The following SPIRE2 variants were observed in gnomAD, a reference collection of about 807,000 sequenced individuals.
SPIRE2 encodes the protein protein spire homolog 2.
SPIRE2 carries 76 observed loss-of-function variants against 80.7 expected under a neutral mutation model. That is an observed-to-expected ratio of 0.94 (90% CI 0.78 to 1.14). SPIRE2 has a LOEUF of 1.14. Among genes scored for constraint, SPIRE2 ranks in the 50% most tolerant of loss-of-function variants. SPIRE2 has a pLI of 0.00. For missense variants in SPIRE2, 1,196 were observed against 1,015.3 expected, an observed-to-expected ratio of 1.18 and a Z score of -2.42; for synonymous variants, 535 against 432.6, an observed-to-expected ratio of 1.24 and a Z score of -2.94.
intron 12 of SPIRE2, 96 bp from the exon 13 acceptor site, chr16:89,868,093 T>G: frequency 7.3e-7 from 1 of 1,369,346 alleles, no homozygotes; most frequent in Non-Finnish European, 1.0e-6. Flanking sequence ...CAAGGATGGT[T>G]TGACCTCGGA....
chr16:89,844,492 G>A (rs1339867818), intron 1 of SPIRE2, among the ~76,000 whole-genome samples: 2 of 150,966 alleles, frequency 1.3e-5, no homozygotes, highest in South Asian at 2.1e-4. Context: ...AGGCTGGAGT[G>A]CAGTGGTGCA....
At chr16:89,854,182 C>T (rs937852566) in intron 3 of SPIRE2, 104 bp from the exon 4 acceptor site, 60 of 1,059,330 alleles carry the variant, frequency 5.7e-5, no homozygotes, top group Admixed American at 8.5e-5. Flanking sequence ...TCCGGCTGGT[C>T]GAGTGGAGCC....
Position 89,864,332 on chromosome 16 carries a change from C to T in SPIRE2, c.1778+471C>T, listed in dbSNP as rs371556172. Among the ~76,000 whole-genome samples the T allele has an allele frequency of 1.4e-4, 21 of 151,948 alleles. 1 individual carries two copies. The highest frequency in any genetic ancestry group is 1.3e-3 in the Admixed American group (20 of 15,242). On this transcript the variant is annotated intron_variant, in intron 12 of 14. Transcript: ENST00000378247. The stretch of plus-strand genomic sequence containing the variant: ...AGAACTCCAGAGGAGAGGGCTGCGC[C>T]GAGAAAGCCTCAGAGAAGGTCCCCC...
In SPIRE2 at chr16:89,854,274, G is replaced by A. The variant is rs761140077; in HGVS notation, c.646-12G>A. On this transcript the variant is annotated splice_polypyrimidine_tract_variant and intron_variant, in intron 3 of 14. Coordinates refer to ENST00000378247, the MANE Select transcript of SPIRE2 (RefSeq NM_032451.2). ...GTACCTCCCCTGGACTGACGAGCAC[G>A]TGTGGTCACAGATGCTGCAGAAGCT... is the stretch of plus-strand genomic sequence containing the variant. 71 of 1,610,894 alleles carry A rather than the reference G, an allele frequency of 4.4e-5. No homozygotes were observed. Among genetic ancestry groups the A allele is most frequent in the South Asian group, 1.9e-4 (17 of 90,774 alleles).
rs1419242997 is a variant in SPIRE2 at position 89,852,915 on chromosome 16, G to A, written c.646-1371G>A. ...CCCCGGATCCCATGGCCCGTCTTCC[G>A]TCCTCCCTCTCACCCCCCGCATCCC... On this transcript the variant is annotated intron_variant, in intron 3 of 14. Coordinates refer to ENST00000378247, the MANE Select transcript of SPIRE2 (RefSeq NM_032451.2). Among the ~76,000 whole-genome samples, 18 of 18,452 alleles carry A rather than the reference G, an allele frequency of 9.8e-4. No homozygotes were observed. In the East Asian group the frequency reaches 0.024, roughly 25 times the overall value. The allele number at this position is 18,452 out of a possible 152,430, so 12.1% of individuals were successfully genotyped here. A position where few individuals can be genotyped will look rare whatever the true frequency, so the allele number is the denominator to read the frequency against.
intron 2 of SPIRE2, among the ~76,000 whole-genome samples, chr16:89,848,947 C>G (rs573113963): frequency 7.4e-4 from 105 of 141,414 alleles, no homozygotes; most frequent in African/African-American, 2.3e-3. Flanking sequence ...ACAGACGAGG[C>G]AGGTTCCAGG....
intron 2 of SPIRE2, 62 bp from the exon 3 acceptor site, chr16:89,850,242 C>T: frequency 6.9e-7 from 1 of 1,452,260 alleles, no homozygotes; most frequent in South Asian, 1.2e-5. Context: ...CACCCACCAG[C>T]CGCGTTCTCC....
At position 89,863,571 on chromosome 16, in the gene SPIRE2, G is replaced by A. The variant is rs1261915686; in HGVS notation, c.1671G>A (p.Leu557=). ...TGAAGGCCGAGATGGAAAAGTTTTTGCAGAACAAGGAGCTCTTCAGCAGTC... is the reference window on the plus strand; with the variant it reads ...TGAAGGCCGAGATGGAAAAGTTTTTACAGAACAAGGAGCTCTTCAGCAGTC... ...VLVKAEMEKF[L]QNKELFSSLK... The change falls in exon 11 of 15, where the codon TTG becomes TTA. Residue 557 remains leucine (L), a synonymous_variant. Coordinates refer to ENST00000378247, the MANE Select transcript of SPIRE2 (RefSeq NM_032451.2). The surrounding 1 kb of genome is among the most constrained non-coding windows in gnomAD (Gnocchi z 4.3). 6.2e-7 allele frequency: 1 copy of A among 1,614,108 alleles called. No individual in the cohort carries two copies. The highest frequency in any genetic ancestry group is 8.5e-7 in the Non-Finnish European group (1 of 1,180,034).
chr16:89,843,670 TTTTTTTTTTTGTTTGTTTTTG>T (rs2041525192), intron 1 of SPIRE2, among the ~76,000 whole-genome samples: 1 of 56,902 alleles, frequency 1.8e-5, no homozygotes, highest in Non-Finnish European at 3.0e-5. Context: ...CTGCCACGTT[TTTTTTTTTTTGTTTGTTTTTG>T]TTTTTTGTTT....
Position 89,870,521 on chromosome 16 carries a change from G to C in SPIRE2, c.*249G>C. The C allele has an allele frequency of 2.2e-6, 1 of 446,696 alleles. No homozygotes were observed. The highest frequency in any genetic ancestry group is 4.0e-6 in the Non-Finnish European group (1 of 247,520). The allele number at this position is 446,696 out of a possible 1,614,324, so 27.7% of individuals were successfully genotyped here. ...GCCAGGGAGGAAGGGGAGGGAACAG[G>C]GTGGGTTTTCTCACTGAAGAGAGAA... On this transcript the variant is annotated 3_prime_UTR_variant, in exon 15 of 15. Coordinates refer to ENST00000378247, the MANE Select transcript of SPIRE2 (RefSeq NM_032451.2).
chr16:89,862,795 A>G (rs1043374525), intron 10 of SPIRE2: 2 of 152,690 alleles, frequency 1.3e-5, no homozygotes, highest in Admixed American at 6.5e-5. Context: ...TGGCACCTTC[A>G]TAGATGGTGC....
intron 12 of SPIRE2, among the ~76,000 whole-genome samples, chr16:89,865,777 G>A (rs2143828995): frequency 6.6e-6 from 1 of 151,552 alleles, no homozygotes; most frequent in East Asian, 1.9e-4. Context: ...GACCATCCTG[G>A]CTAACACGAT....
At chr16:89,834,550 A>G (rs1361967376) in intron 1 of SPIRE2, among the ~76,000 whole-genome samples, 1 of 79,380 alleles carries the variant, frequency 1.3e-5, no homozygotes, top group African/African-American at 5.0e-5. Context: ...ACCTGCCCGC[A>G]TTCGCGGTTG....
chr16:89,848,017 C>T (rs7188052), intron 2 of SPIRE2, among the ~76,000 whole-genome samples: 2,623 of 152,308 alleles, frequency 0.017, 72 homozygotes, highest in African/African-American at 0.059. Context: ...ACAATCGGAG[C>T]CACGCGACCA....
Position 89,863,752 on chromosome 16 carries a change from A to C in SPIRE2, c.1711-42A>C. 1 of 1,609,892 alleles carries C rather than the reference A, an allele frequency of 6.2e-7. No individual in the cohort carries two copies. Among genetic ancestry groups the C allele is most frequent in the Non-Finnish European group, 8.5e-7 (1 of 1,176,284 alleles). On this transcript the variant is annotated intron_variant, in intron 11 of 14. Coordinates refer to ENST00000378247, the MANE Select transcript of SPIRE2 (RefSeq NM_032451.2). This position sits in a 1 kb window ranked among gnomAD's most constrained non-coding sequence, Gnocchi z 4.3. ...GCAGGGACAGGGCGGGACCCCAGGG[A>C]GCTTTGGACAAAGCGGGGCTCTAAC... is the stretch of plus-strand genomic sequence containing the variant.
At chr16:89,834,501 G>A (rs1239600817) in intron 1 of SPIRE2, among the ~76,000 whole-genome samples, 1 of 101,916 alleles carries the variant, frequency 9.8e-6, no homozygotes. Context: ...GTTGGCCATC[G>A]TAGAAGTGTG....
intron 2 of SPIRE2, chr16:89,845,640 G>C (rs72813409): frequency 1.4e-6 from 1 of 701,268 alleles, no homozygotes; most frequent in South Asian, 1.5e-5. Context: ...ACAGATGAGG[G>C]GCACAGCTGA....
chr16:89,851,069 C>T (rs1284104560), intron 3 of SPIRE2, among the ~76,000 whole-genome samples: 1 of 152,116 alleles, frequency 6.6e-6, no homozygotes, highest in Non-Finnish European at 1.5e-5. Context: ...GATCCATCTG[C>T]GTCGGCCTCC....
At chr16:89,836,738 G>C (rs1017187875) in intron 1 of SPIRE2, among the ~76,000 whole-genome samples, 1 of 151,764 alleles carries the variant, frequency 6.6e-6, no homozygotes, top group Non-Finnish European at 1.5e-5. Context: ...CCAGCACTTT[G>C]GGAGGCCAAG....
Sources: gnomAD v4.1 joint callset for allele counts (sites outside exome capture counted in the v4.1 genomes callset) on GRCh38, gnomAD v4.1.1 for gene constraint, Gnocchi (gnomAD v3.1) non-coding constraint, MANE v1.5 for transcripts, NCBI Gene and HGNC (gene_info 2026-07-23, HGNC 2026-07-21) for gene names.